Variants in SUGCT observed in about 807,000 individuals in gnomAD.
SUGCT encodes succinyl-CoA:glutarate-CoA transferase, also known as succinyl-CoA:glutarate CoA-transferase.
Under a neutral mutation model 55.0 loss-of-function variants are expected in SUGCT, and 41 were observed. That is an observed-to-expected ratio of 0.74 (90% CI 0.58 to 0.97). The LOEUF is 0.97. Ranked by LOEUF, SUGCT falls within the 50% of genes least tolerant of loss-of-function variation. The pLI, the probability that SUGCT is intolerant of heterozygous loss-of-function variation, is 0.00. For missense variants in SUGCT, 568 were observed against 547.8 expected (o/e 1.04, Z -0.37); for synonymous variants, 187 against 200.4 (o/e 0.93, Z 0.56).
At chr7:40,971,865 G>A in the SUGCT span, among the ~76,000 whole-genome samples, 1 of 152,104 alleles carries the variant, frequency 6.6e-6, no homozygotes, top group African/African-American at 2.4e-5. Flanking sequence ...CAAGTACAAG[G>A]ATTTTGTCAT....
intron 13 of SUGCT, among the ~76,000 whole-genome samples, chr7:40,848,828 C>T (rs1342333817): frequency 2.6e-5 from 4 of 152,126 alleles, no homozygotes; most frequent in Non-Finnish European, 5.9e-5. Flanking sequence ...CTTATCTCAC[C>T]ATTCCATGCT....
chr7:40,730,930 T>C (rs1311873536), intron 12 of SUGCT, among the ~76,000 whole-genome samples: 1 of 152,218 alleles, frequency 6.6e-6, no homozygotes, highest in Non-Finnish European at 1.5e-5. Flanking sequence ...ACACCTAATA[T>C]TGATTCCATA....
At chr7:40,340,756 G>A (rs536908900) in intron 9 of SUGCT, among the ~76,000 whole-genome samples, 106 of 152,268 alleles carry the variant, frequency 7.0e-4, no homozygotes, top group South Asian at 3.3e-3. Flanking sequence ...AAATAAAAGC[G>A]TTTTTATACA....
chr7:40,286,363 C>T (rs1006046812), intron 8 of SUGCT, among the ~76,000 whole-genome samples: 5 of 152,148 alleles, frequency 3.3e-5, no homozygotes, highest in South Asian at 2.1e-4. Flanking sequence ...AAGATACTCT[C>T]GCCTCTCTCT....
Position 40,253,603 on chromosome 7 carries a change from C to G in SUGCT, c.576+15877C>G, listed in dbSNP as rs576567393. Among the ~76,000 whole-genome samples the G allele has an allele frequency of 1.3e-3, 195 of 151,954 alleles. 2 individuals carry two copies. The highest frequency in any genetic ancestry group is 4.4e-3 in the African/African-American group (183 of 41,424). On this transcript the variant is annotated intron_variant, in intron 7 of 13. Transcript: ENST00000335693. Reference sequence around the variant, plus strand: ...TTTGAGGCGGAGCCTCGCTCTGTTGCCCAGGCTGGAGTGCAGTGGCTCCAC... The same window carrying G: ...TTTGAGGCGGAGCCTCGCTCTGTTGGCCAGGCTGGAGTGCAGTGGCTCCAC...
Position 40,338,215 on chromosome 7 carries a change from C to G in SUGCT, c.816+21360C>G, listed in dbSNP as rs562941890. Among the ~76,000 whole-genome samples, 3 of 152,242 alleles carry G rather than the reference C, an allele frequency of 2.0e-5. No homozygotes were observed. The South Asian group carries it at 6.2e-4, about 32-fold the overall frequency. On this transcript the variant is annotated intron_variant, in intron 9 of 13. Coordinates refer to ENST00000335693, the MANE Select transcript of SUGCT (RefSeq NM_001193313.2). ...TTCATTTCAAGTTTGGTGAATCTGA[C>G]AATTATGTGTCTTGGAGTGCTTTTC...
intron 12 of SUGCT, 30 bp from the exon 13 acceptor site, chr7:40,749,404 T>C (rs1398746756): frequency 2.5e-6 from 4 of 1,590,850 alleles, no homozygotes; most frequent in African/African-American, 1.3e-5. Context: ...ATTTTGTAAA[T>C]TATTTTTCTC....
At chr7:40,685,054 A>C (rs1784408012) in intron 12 of SUGCT, among the ~76,000 whole-genome samples, 1 of 151,796 alleles carries the variant, frequency 6.6e-6, no homozygotes. Flanking sequence ...ATGGAGTTTT[A>C]CCATGTTGGT....
intron 12 of SUGCT, among the ~76,000 whole-genome samples, chr7:40,595,963 A>G (rs1169794846): frequency 6.6e-6 from 1 of 152,226 alleles, no homozygotes; most frequent in Non-Finnish European, 1.5e-5. Flanking sequence ...AAGGAAAAGC[A>G]TCTTAAAATA....
intron 11 of SUGCT, among the ~76,000 whole-genome samples, chr7:40,479,482 G>A (rs1408347265): frequency 1.3e-5 from 2 of 152,100 alleles, no homozygotes; most frequent in East Asian, 1.9e-4. Flanking sequence ...CTCCATGTAC[G>A]TGTTCTTATA....
At chr7:40,738,768 A>G (rs1787311699) in intron 12 of SUGCT, among the ~76,000 whole-genome samples, 1 of 152,236 alleles carries the variant, frequency 6.6e-6, no homozygotes, top group Non-Finnish European at 1.5e-5. Flanking sequence ...ATGGATTAAA[A>G]GCCATTTGCT....
At chr7:40,294,620 C>G (rs1377090660) in intron 8 of SUGCT, among the ~76,000 whole-genome samples, 1 of 152,170 alleles carries the variant, frequency 6.6e-6, no homozygotes, top group African/African-American at 2.4e-5. Context: ...GATCTCGGCT[C>G]ACTGCAACCT....
chr7:40,496,923 T>A (rs916143009), intron 12 of SUGCT, among the ~76,000 whole-genome samples: 1 of 151,648 alleles, frequency 6.6e-6, no homozygotes, highest in Non-Finnish European at 1.5e-5. Flanking sequence ...TTTACACAGA[T>A]AGATATTTGT....
At chr7:40,615,810 C>T (rs2151781346) in intron 12 of SUGCT, among the ~76,000 whole-genome samples, 1 of 152,278 alleles carries the variant, frequency 6.6e-6, no homozygotes, top group South Asian at 2.1e-4. Context: ...ATGGGGCTTC[C>T]CACCTTCTTC....
rs548224660 is a variant in SUGCT at position 40,150,277 on chromosome 7, A to G, written c.100+15157A>G. ...GTGGCCCCCGCCCAGGAACTGACTG[A>G]TCAAGAAGACAGCTCTGACTCCCTG... On this transcript the variant is annotated intron_variant, in intron 1 of 13. Transcript: ENST00000335693. Among the ~76,000 whole-genome samples the G allele has an allele frequency of 1.5e-4, 23 of 152,228 alleles. No homozygotes were observed. The South Asian group carries it at 4.8e-3, about 32-fold the overall frequency.
the SUGCT span, among the ~76,000 whole-genome samples, chr7:40,912,316 T>G: frequency 6.6e-6 from 1 of 152,230 alleles, no homozygotes; most frequent in African/African-American, 2.4e-5. Context: ...TCAGATGATT[T>G]TAGAGGTTTA....
chr7:40,304,236 C>T (rs1584630292), intron 8 of SUGCT, among the ~76,000 whole-genome samples: 1 of 151,978 alleles, frequency 6.6e-6, no homozygotes, highest in South Asian at 2.1e-4. Context: ...GGAACAGCCC[C>T]TTGGGCTCCA....
At position 40,630,400 on chromosome 7, in the gene SUGCT, C is replaced by T. The variant is rs769989716; in HGVS notation, c.1090-119034C>T. ...AAAATACCTGCTATCTGCTCACAGT[C>T]GCCTGACCCAATGGAGAACAGAGAT... is the stretch of plus-strand genomic sequence containing the variant. On this transcript the variant is annotated intron_variant, in intron 12 of 13. Coordinates refer to ENST00000335693, the MANE Select transcript of SUGCT (RefSeq NM_001193313.2). Among the ~76,000 whole-genome samples the T allele has an allele frequency of 2.6e-5, 4 of 152,136 alleles. No homozygotes were observed. The East Asian group carries it at 5.8e-4, about 22-fold the overall frequency.
intron 1 of SUGCT, among the ~76,000 whole-genome samples, chr7:40,140,940 G>A (rs1787949858): frequency 6.6e-6 from 1 of 152,070 alleles, no homozygotes; most frequent in South Asian, 2.1e-4. Flanking sequence ...TGGGCACAAT[G>A]GTCATTTTAA....
Sources: allele counts gnomAD v4.1 joint callset (sites outside exome capture counted in the v4.1 genomes callset), GRCh38; gene constraint gnomAD v4.1.1; transcripts MANE v1.5; gene names NCBI Gene and HGNC (gene_info 2026-07-23, HGNC 2026-07-21).